Variants in PLAAT3 observed in about 807,000 individuals in gnomAD.
PLAAT3 encodes Ca-independent phospholipase A1/2.
A neutral mutation model predicts 16.7 loss-of-function variants in PLAAT3; 21 were observed. That is an observed-to-expected ratio of 1.26 (90% CI 0.89 to 1.81). The LOEUF (loss-of-function observed/expected upper bound fraction) is 1.81, where lower values mean the gene tolerates loss of function less well. Ranked by LOEUF, PLAAT3 falls within the 40% of genes most tolerant of loss-of-function variation. The pLI is 0.00. For synonymous variants in PLAAT3, 76 were observed against 81.7 expected (o/e 0.93, Z 0.38); for missense variants, 219 against 213.7 (o/e 1.02, Z -0.16).
upstream of PLAAT3, among the ~76,000 whole-genome samples, chr11:63,615,188 A>ATGTG (rs1565259847): frequency 9.6e-6 from 1 of 104,230 alleles, no homozygotes; most frequent in Admixed American, 9.7e-5. Flanking sequence ...GTGTGTATAT[A>ATGTG]TATGTGTGTA....
chr11:63,582,844 A>T (rs1937859370), intron 4 of PLAAT3, among the ~76,000 whole-genome samples: 1 of 152,198 alleles, frequency 6.6e-6, no homozygotes, highest in African/African-American at 2.4e-5. Context: ...TAGAAGTTTT[A>T]ACAGATAGCC....
chr11:63,603,813 T>C (rs886462077), intron 2 of PLAAT3, among the ~76,000 whole-genome samples: 2 of 149,164 alleles, frequency 1.3e-5, no homozygotes, highest in Non-Finnish European at 3.0e-5. Context: ...AAATATTAAT[T>C]GAGAAAAGCA....
intron 2 of PLAAT3, among the ~76,000 whole-genome samples, chr11:63,601,980 CAAA>C (rs71468636): frequency 2.0e-5 from 2 of 99,410 alleles, no homozygotes; most frequent in African/African-American, 4.0e-5. Flanking sequence ...AACTCTGTCT[CAAA>C]AAAAAAAAAA....
chr11:63,582,485 T>C (rs1169258821), intron 4 of PLAAT3, among the ~76,000 whole-genome samples: 1 of 152,200 alleles, frequency 6.6e-6, no homozygotes. Flanking sequence ...AATTGGATCA[T>C]GTGGGAAGAA....
chr11:63,578,219 G>T (rs2134390168), intron 4 of PLAAT3, among the ~76,000 whole-genome samples: 1 of 152,000 alleles, frequency 6.6e-6, no homozygotes, highest in African/African-American at 2.4e-5. Flanking sequence ...GAAGGCAGAG[G>T]TTGCAGTGAG....
chr11:63,576,775 T>A (rs1335148480), intron 4 of PLAAT3, among the ~76,000 whole-genome samples: 1 of 152,192 alleles, frequency 6.6e-6, no homozygotes, highest in African/African-American at 2.4e-5. Context: ...CCTATGAAGT[T>A]GAATAATAAA....
At chr11:63,600,230 A>G (rs2134420496) in intron 2 of PLAAT3, among the ~76,000 whole-genome samples, 1 of 152,302 alleles carries the variant, frequency 6.6e-6, no homozygotes, top group African/African-American at 2.4e-5. Context: ...GGAACCTCCC[A>G]CTTCGGCCTC....
chr11:63,574,924 TGACAG>T lies in PLAAT3; in HGVS notation c.*16_*20del. On this transcript the variant is annotated 3_prime_UTR_variant, in exon 5 of 5. Coordinates refer to ENST00000415826, the MANE Select transcript of PLAAT3 (RefSeq NM_001128203.2). ...CCCCCTTGATGTATAAAGTCATCGC[TGACAG>T]GACAGTCTTTTTCAGTTATTGCTTT... The T allele has an allele frequency of 6.9e-7, 1 of 1,455,178 alleles. No individual in the cohort carries two copies. The highest frequency in any genetic ancestry group is 9.7e-7 in the Non-Finnish European group (1 of 1,034,564). 90.1% of individuals were successfully genotyped at this position (1,455,178 alleles called of 1,614,324 possible).
chr11:63,575,813 T>TA (rs1000845492), intron 4 of PLAAT3, among the ~76,000 whole-genome samples: 1 of 152,110 alleles, frequency 6.6e-6, no homozygotes, highest in Non-Finnish European at 1.5e-5. Context: ...CCTAATTATA[T>TA]AAAAGAATAC....
chr11:63,591,866 C>T (rs1039327804), intron 3 of PLAAT3, among the ~76,000 whole-genome samples: 22 of 152,186 alleles, frequency 1.4e-4, no homozygotes, highest in Non-Finnish European at 1.0e-4. Flanking sequence ...CGCAGGGACT[C>T]GGAAGAGGCA....
intron 2 of PLAAT3, among the ~76,000 whole-genome samples, chr11:63,607,125 G>A (rs1460204503): frequency 2.0e-5 from 3 of 152,156 alleles, no homozygotes; most frequent in African/African-American, 7.2e-5. Context: ...AAGGAAAGAG[G>A]AGTCAGATGA....
At chr11:63,587,700 G>A (rs568139674) in intron 4 of PLAAT3, among the ~76,000 whole-genome samples, 4 of 151,934 alleles carry the variant, frequency 2.6e-5, no homozygotes, top group East Asian at 1.9e-4. Flanking sequence ...GATTACAGGC[G>A]CATGTCACCA....
chr11:63,600,407 A>G (rs553668110), intron 2 of PLAAT3, among the ~76,000 whole-genome samples: 1 of 152,340 alleles, frequency 6.6e-6, no homozygotes, highest in South Asian at 2.1e-4. Context: ...TCATACCCAA[A>G]AAGCCACATA....
At chr11:63,579,707 C>T (rs1421519362) in intron 4 of PLAAT3, among the ~76,000 whole-genome samples, 100 of 120,850 alleles carry the variant, frequency 8.3e-4, no homozygotes, top group Admixed American at 2.5e-3. Flanking sequence ...GAACATCACA[C>T]ACCAGGGCCT....
In PLAAT3 at chr11:63,574,702, G is replaced by A. The variant is rs749582052; in HGVS notation, c.*243C>T. ...ATGCAAAGAACACAGCACGCAAAAA[G>A]AAAGTGAAAGACAATCCCTGACCAG... On this transcript the variant is annotated 3_prime_UTR_variant, in exon 5 of 5. Transcript: ENST00000415826. The A allele has an allele frequency of 2.0e-6, 1 of 501,472 alleles. No homozygotes were observed. Among genetic ancestry groups the A allele is most frequent in the Non-Finnish European group, 3.6e-6 (1 of 278,918 alleles). 31.1% of individuals were successfully genotyped at this position (501,472 alleles called of 1,614,324 possible). A position where few individuals can be genotyped will look rare whatever the true frequency, so the allele number is the denominator to read the frequency against.
At chr11:63,585,359 A>G (rs1323721530) in intron 4 of PLAAT3, among the ~76,000 whole-genome samples, 1 of 152,128 alleles carries the variant, frequency 6.6e-6, no homozygotes, top group Non-Finnish European at 1.5e-5. Context: ...AGCATGTGTC[A>G]GTGATCATTA....
chr11:63,582,477 T>C (rs755360273), intron 4 of PLAAT3, among the ~76,000 whole-genome samples: 3 of 152,172 alleles, frequency 2.0e-5, no homozygotes, highest in Non-Finnish European at 4.4e-5. Flanking sequence ...TGAGAGCTAA[T>C]TGGATCATGT....
intron 4 of PLAAT3, among the ~76,000 whole-genome samples, chr11:63,586,414 G>A (rs1023200890): frequency 3.3e-5 from 5 of 152,132 alleles, no homozygotes; most frequent in Admixed American, 6.5e-5. Flanking sequence ...GATTACAGGC[G>A]TGAGCCACCA....
At chr11:63,615,232 A>G (rs113251942), upstream of PLAAT3, among the ~76,000 whole-genome samples, 7 of 10,336 alleles carry the variant, frequency 6.8e-4, 1 homozygote, top group Non-Finnish European at 3.6e-3. Flanking sequence ...ATATATGTGT[A>G]TATATGTGTA....
Sources: allele counts gnomAD v4.1 joint callset (sites outside exome capture counted in the v4.1 genomes callset), GRCh38; gene constraint gnomAD v4.1.1; transcripts MANE v1.5; gene names NCBI Gene and HGNC (gene_info 2026-07-23, HGNC 2026-07-21).